Variants in SUPT5H observed in about 807,000 individuals in gnomAD.
SUPT5H encodes the protein transcription elongation factor SPT5.
Under a neutral mutation model 142.5 loss-of-function variants are expected in SUPT5H, and 24 were observed. The ratio of observed to expected loss-of-function variants is 0.17; its 90% CI spans 0.12 to 0.24. SUPT5H has a LOEUF of 0.24. Among genes scored for constraint, SUPT5H ranks in the 10% least tolerant of loss-of-function variants. The pLI is 1.00. For missense variants in SUPT5H, 893 were observed against 1,471.8 expected, an observed-to-expected ratio of 0.61 and a Z score of 6.43; for synonymous variants, 546 against 553.0, an observed-to-expected ratio of 0.99 and a Z score of 0.18.
rs770549478 is a variant in SUPT5H at position 39,469,418 on chromosome 19, G to A, written c.1374+20G>A. The A allele has an allele frequency of 5.8e-5, 94 of 1,614,012 alleles. 1 individual carries two copies. Among genetic ancestry groups the A allele is most frequent in the South Asian group, 9.9e-5 (9 of 91,082 alleles). ...CTCAAGGTGGGTGCCCGGTGTTCTC[G>A]GGCAGGGGTTGGAGTGTTCAGGCAC... On this transcript the variant is annotated intron_variant, in intron 16 of 29. Transcript: ENST00000432763. This position sits in a 1 kb window ranked among gnomAD's most constrained non-coding sequence, Gnocchi z 5.1.
rs777503016 is a variant in SUPT5H, at chr19:39,466,782, A to T, written c.1037+37A>T. The T allele has an allele frequency of 1.1e-5, 18 of 1,606,306 alleles. No homozygotes were observed. In the African/African-American group the frequency reaches 2.4e-4, roughly 21 times the overall value. On this transcript the variant is annotated intron_variant, in intron 13 of 29. Transcript: ENST00000432763. This position sits in a 1 kb window ranked among gnomAD's most constrained non-coding sequence, Gnocchi z 4.3. ...TGGGGACTGGCTGGGCTGGGTCCCCAGGGCCGGTGTGTAGAATGTGCCTTT... is the reference window on the plus strand; with the variant it reads ...TGGGGACTGGCTGGGCTGGGTCCCCTGGGCCGGTGTGTAGAATGTGCCTTT...
rs1432473884 is a variant in SUPT5H, at chr19:39,475,046, C to T, written c.3024+328C>T. 3 of 393,274 alleles carry T rather than the reference C, an allele frequency of 7.6e-6. No homozygotes were observed. The East Asian group carries it at 1.7e-4, about 22-fold the overall frequency. The allele number at this position is 393,274 out of a possible 1,614,324, so 24.4% of individuals were successfully genotyped here. A position where few individuals can be genotyped will look rare whatever the true frequency, so the allele number is the denominator to read the frequency against. On this transcript the variant is annotated intron_variant, in intron 28 of 29. Transcript: ENST00000432763. Reference sequence around the variant, plus strand: ...GGCCTGGAGGTGAGGGGAACCTGGGCACATTCCAGGAGCTGAAGGGTTTGT... The same window carrying T: ...GGCCTGGAGGTGAGGGGAACCTGGGTACATTCCAGGAGCTGAAGGGTTTGT...
chr19:39,456,860 T>C (rs1279492894), intron 3 of SUPT5H, among the ~76,000 whole-genome samples: 2 of 152,156 alleles, frequency 1.3e-5, no homozygotes, highest in African/African-American at 4.8e-5. Flanking sequence ...CGTCCAGCCT[T>C]ACATGGATTT....
At position 39,471,652 on chromosome 19, in the gene SUPT5H, A is replaced by G; in HGVS notation, c.1872A>G (p.Leu624=). 2.5e-6 allele frequency: 4 copies of G among 1,614,196 alleles called. No homozygotes were observed. Among genetic ancestry groups the G allele is most frequent in the South Asian group, 1.1e-5 (1 of 91,084 alleles). ...ATCTCTTCCGAAGCTTCGCCTTCCT[A>G]CATTGCAAGAAACTGGTGGAGAACG... ...IRHLFRSFAF[L]HCKKLVENGG... Residue 624 remains leucine (L), a synonymous_variant, in exon 20 of 30, where the codon CTA becomes CTG. Transcript: ENST00000432763.
intron 11 of SUPT5H, among the ~76,000 whole-genome samples, chr19:39,465,599 G>T (rs896055283): frequency 2.6e-5 from 4 of 152,208 alleles, no homozygotes; most frequent in African/African-American, 9.6e-5. Context: ...GGGGGTTGAC[G>T]ATTATGGCAT....
At chr19:39,475,878 T>C in intron 28 of SUPT5H, 1 of 588,024 alleles carries the variant, frequency 1.7e-6, no homozygotes, top group Non-Finnish European at 3.0e-6. Flanking sequence ...ATTCTGATGC[T>C]TCCCTTGCTG....
chr19:39,456,405 T>TTG (rs1374399285), intron 3 of SUPT5H, among the ~76,000 whole-genome samples: 85 of 86,918 alleles, frequency 9.8e-4, no homozygotes, highest in South Asian at 3.1e-3. Flanking sequence ...AGACTGTTTT[T>TTG]TTTTGTTGTT....
intron 2 of SUPT5H, among the ~76,000 whole-genome samples, chr19:39,448,389 C>G (rs1230163001): frequency 2.0e-5 from 3 of 152,112 alleles, no homozygotes; most frequent in African/African-American, 7.2e-5. Flanking sequence ...AGGGCCTTTT[C>G]TCTAAGCTGT....
In SUPT5H at chr19:39,468,742, C is replaced by T. The variant is rs2146117352; in HGVS notation, c.1038-14C>T. ...ACTCTCCCTTCTAATCTTCTCTCCC[C>T]CATCAAATTCCAGGTCCCTGGGGGG... On this transcript the variant is annotated splice_polypyrimidine_tract_variant and intron_variant, in intron 13 of 29. Coordinates refer to ENST00000432763, the MANE Select transcript of SUPT5H (RefSeq NM_001111020.3). The T allele has an allele frequency of 6.2e-7, 1 of 1,610,344 alleles. No individual in the cohort carries two copies.
chr19:39,466,418 T>C lies in SUPT5H; in HGVS notation c.877-62T>C. ...CTCCTTCCTAGCATCTCCTGACCCT[T>C]CTTGTGTCTGGGGTCAGGGAGGAGA... On this transcript the variant is annotated intron_variant, in intron 11 of 29. Transcript: ENST00000432763. The surrounding 1 kb of genome is among the most constrained non-coding windows in gnomAD (Gnocchi z 4.3). 1 of 1,469,764 alleles carries C rather than the reference T, an allele frequency of 6.8e-7. No homozygotes were observed. Among genetic ancestry groups the C allele is most frequent in the South Asian group, 1.1e-5 (1 of 87,882 alleles). 91.0% of individuals were successfully genotyped at this position (1,469,764 alleles called of 1,614,324 possible).
chr19:39,449,556 G>T (rs950381774), intron 2 of SUPT5H, among the ~76,000 whole-genome samples: 1 of 152,210 alleles, frequency 6.6e-6, no homozygotes, highest in African/African-American at 2.4e-5. Context: ...GATGGAGGGA[G>T]CCCAGAGAAT....
In SUPT5H at chr19:39,465,035, G is replaced by A; in HGVS notation, c.862G>A (p.Asp288Asn). 2 of 1,613,726 alleles carry A rather than the reference G, an allele frequency of 1.2e-6. No homozygotes were observed. Among genetic ancestry groups the A allele is most frequent in the Non-Finnish European group, 1.7e-6 (2 of 1,179,646 alleles). ...WVRLKRGIYK[D>N]DIAQVDYVEP... is the part of the protein sequence containing the mutation. The stretch of plus-strand genomic sequence containing the variant: ...CCGCCTCAAGCGGGGCATCTACAAG[G>A]ATGACATTGCTCAGGTGCCCGGGGC... The change falls in exon 11 of 30, where the codon GAT (aspartate) becomes AAT (asparagine). Residue 288 changes from aspartate to asparagine, a missense_variant. Asp to Asn is a conservative substitution (Grantham distance 23). This residue lies in a region of SUPT5H where 428 missense variants were observed against 763.5 expected (regional missense o/e 0.56). Coordinates refer to ENST00000432763, the MANE Select transcript of SUPT5H (RefSeq NM_001111020.3).
chr19:39,455,682 G>A (rs1045884234), intron 3 of SUPT5H, among the ~76,000 whole-genome samples: 17 of 150,720 alleles, frequency 1.1e-4, no homozygotes, highest in African/African-American at 4.1e-4. Context: ...GGGTGCAGTG[G>A]TGCAATCTCA....
At position 39,469,876 on chromosome 19, in the gene SUPT5H, G is replaced by A. The variant is rs189067948; in HGVS notation, c.1375-243G>A. 5.7e-3 allele frequency: 3,039 copies of A among 530,408 alleles called. 26 individuals are homozygous for A. Among genetic ancestry groups the A allele is most frequent in the Middle Eastern group, 0.014 (27 of 1,964 alleles). 32.9% of individuals were successfully genotyped at this position (530,408 alleles called of 1,614,324 possible). On this transcript the variant is annotated intron_variant, in intron 16 of 29. Coordinates refer to ENST00000432763, the MANE Select transcript of SUPT5H (RefSeq NM_001111020.3). The surrounding 1 kb of genome is among the most constrained non-coding windows in gnomAD (Gnocchi z 5.1). Reference sequence around the variant, plus strand: ...AGGCTCTCTGTGTGGGTATAGGTAGGCATCGTGTGTCTTGAGGGCGGGCTG... The same window carrying A: ...AGGCTCTCTGTGTGGGTATAGGTAGACATCGTGTGTCTTGAGGGCGGGCTG...
chr19:39,471,529 C>G (rs756993235), intron 19 of SUPT5H, 26 bp downstream of exon 19: 17 of 1,613,918 alleles, frequency 1.1e-5, no homozygotes, highest in Non-Finnish European at 1.4e-5. Flanking sequence ...TGCTTTTGAG[C>G]TGCATCTGAA....
rs985425631 is a variant in SUPT5H at position 39,458,426 on chromosome 19, C to G, written c.319+121C>G. 2 of 1,542,280 alleles carry G rather than the reference C, an allele frequency of 1.3e-6. No homozygotes were observed. Among genetic ancestry groups the G allele is most frequent in the Non-Finnish European group, 1.8e-6 (2 of 1,139,082 alleles). ...CAGCCCCGGTCTGGCCCTGAGGGCT[C>G]TGACCCATGTAGGATCCAGAGTCAG... is the stretch of plus-strand genomic sequence containing the variant. On this transcript the variant is annotated intron_variant, in intron 5 of 29. Transcript: ENST00000432763. This position sits in a 1 kb window ranked among gnomAD's most constrained non-coding sequence, Gnocchi z 4.2.
In SUPT5H at chr19:39,458,963, C is replaced by T. The variant is rs1197654697; in HGVS notation, c.390-42C>T. 65 of 1,613,954 alleles carry T rather than the reference C, an allele frequency of 4.0e-5. No individual in the cohort carries two copies. Among genetic ancestry groups the T allele is most frequent in the Non-Finnish European group, 5.1e-5 (60 of 1,179,990 alleles). On this transcript the variant is annotated intron_variant, in intron 6 of 29. Transcript: ENST00000432763. This position sits in a 1 kb window ranked among gnomAD's most constrained non-coding sequence, Gnocchi z 4.2. ...GGAGTAGGTCAGCCCACCTGCTGTC[C>T]TCAACCTTCAATTCGTGTTTGCTTC...
chr19:39,457,905 C>T (rs1457986707), intron 4 of SUPT5H, 165 bp downstream of exon 4: 1 of 1,233,996 alleles, frequency 8.1e-7, no homozygotes, highest in Admixed American at 2.0e-5. Flanking sequence ...CTGCTTTTTC[C>T]TTTTAGGCCC....
At position 39,473,830 on chromosome 19, in the gene SUPT5H, T is replaced by C. The variant is rs2079361020; in HGVS notation, c.2493-133T>C. The C allele has an allele frequency of 8.0e-7, 1 of 1,254,058 alleles. No homozygotes were observed. The highest frequency in any genetic ancestry group is 1.7e-5 in the Admixed American group (1 of 57,302). The allele number at this position is 1,254,058 out of a possible 1,614,324, so 77.7% of individuals were successfully genotyped here. ...TGTCAGCTGTGGAAGGGAAATAACA[T>C]CAGGAGTGCCTCTGGATGGGGCTCC... is the stretch of plus-strand genomic sequence containing the variant. On this transcript the variant is annotated intron_variant, in intron 25 of 29. Transcript: ENST00000432763. The surrounding 1 kb of genome is among the most constrained non-coding windows in gnomAD (Gnocchi z 5.8).
Sources: gnomAD v4.1 joint callset for allele counts (sites outside exome capture counted in the v4.1 genomes callset) on GRCh38, gnomAD v4.1.1 for gene constraint, gnomAD v4.1.1 regional missense constraint, Gnocchi (gnomAD v3.1) non-coding constraint, MANE v1.5 for transcripts, NCBI Gene and HGNC (gene_info 2026-07-23, HGNC 2026-07-21) for gene names.